UTP20: variants seen among roughly 807,000 people sequenced by gnomAD.
UTP20 encodes small subunit processome component 20 homolog.
UTP20 carries 164 observed loss-of-function variants against 329.5 expected under a neutral mutation model. That is an observed-to-expected ratio of 0.50 (90% CI 0.44 to 0.57). The LOEUF is 0.57. Among genes scored for constraint, UTP20 ranks in the 20% least tolerant of loss-of-function variants. The probability of loss-of-function intolerance (pLI) is 0.00; values close to 1 mark genes in which losing one functional copy is unlikely to be tolerated. For missense variants in UTP20, 3,055 were observed against 3,284.2 expected, an observed-to-expected ratio of 0.93 and a Z score of 1.71; for synonymous variants, 1,151 against 1,159.3, an observed-to-expected ratio of 0.99 and a Z score of 0.14.
At chr12:101,346,609 A>T (rs369128753) in intron 38 of UTP20, 21 bp downstream of exon 38, 161 of 1,560,208 alleles carry the variant, frequency 1.0e-4, no homozygotes, top group Admixed American at 2.0e-4. Context: ...AGATCTAGAA[A>T]CCAAGGACCC....
intron 8 of UTP20, chr12:101,291,100 C>G (rs1198452637): frequency 2.4e-6 from 1 of 421,538 alleles, no homozygotes; most frequent in Non-Finnish European, 4.0e-6. Context: ...GGCTCTGGAG[C>G]CAGACTGCCT....
Position 101,385,617 on chromosome 12 carries a change from A to G in UTP20, c.8091A>G (p.Ile2697Met), listed in dbSNP as rs755827583. Residue 2697 changes from isoleucine (I) to methionine (M), a missense_variant, in exon 61 of 62, where the codon ATA becomes ATG. Physicochemically the swap from Ile to Met is conservative, Grantham distance 10 (BLOSUM62 1). Around this residue, in one of 3 missense-constraint regions of UTP20, gnomAD observed 337 missense variants for 345.5 expected, o/e 0.98. Coordinates refer to ENST00000261637, the MANE Select transcript of UTP20 (RefSeq NM_014503.3). Reference protein sequence around the residue: ...PLLKNLSQEIIELLKKLVGLE... With the variant: ...PLLKNLSQEIMELLKKLVGLE... The stretch of plus-strand genomic sequence containing the variant: ...TGAAGAATCTATCCCAGGAAATCAT[A>G]GAATTACTCAAAAAGCTGGTTGGGC... 1 of 1,613,934 alleles carries G rather than the reference A, an allele frequency of 6.2e-7. No individual in the cohort carries two copies. Among genetic ancestry groups the G allele is most frequent in the South Asian group, 1.1e-5 (1 of 91,020 alleles).
At chr12:101,306,818 G>T in intron 17 of UTP20, 57 bp downstream of exon 17, 2 of 1,455,126 alleles carry the variant, frequency 1.4e-6, no homozygotes, top group Non-Finnish European at 1.9e-6. Flanking sequence ...ACATATTATT[G>T]TGGTTTCCAA....
intron 58 of UTP20, 101 bp downstream of exon 58, chr12:101,381,312 AC>A: frequency 1.0e-6 from 1 of 999,832 alleles, no homozygotes. Flanking sequence ...CGGCCAGATC[AC>A]CCCGAGGTCA....
rs1355295570 is a variant in UTP20 at position 101,363,712 on chromosome 12, A to G, written c.5927A>G (p.Gln1976Arg). The change falls in exon 45 of 62, where the codon CAG (glutamine) becomes CGG (arginine). Residue 1976 changes from glutamine (Q) to arginine (R), a missense_variant. Coordinates refer to ENST00000261637, the MANE Select transcript of UTP20 (RefSeq NM_014503.3). ...CTCGGCAAGTTTGTAGGAAAAGATC[A>G]GGTTACAAAACTCATCCTTCCATTA... ...EILGKFVGKDQVTKLILPLKE... is the reference protein window; with the variant it reads ...EILGKFVGKDRVTKLILPLKE... The G allele has an allele frequency of 2.5e-6, 4 of 1,611,018 alleles. No individual in the cohort carries two copies. Among genetic ancestry groups the G allele is most frequent in the Middle Eastern group, 1.6e-4 (1 of 6,076 alleles).
At chr12:101,370,021 T>C in intron 49 of UTP20, 130 bp downstream of exon 49, 3 of 835,754 alleles carry the variant, frequency 3.6e-6, no homozygotes, top group South Asian at 2.1e-5. Context: ...CAAGACCAGC[T>C]GGGTCAGCAT....
chr12:101,349,932 GTCTT>G (rs1869460775), intron 38 of UTP20, among the ~76,000 whole-genome samples: 1 of 148,572 alleles, frequency 6.7e-6, no homozygotes, highest in African/African-American at 2.5e-5. Context: ...CTGCTGCTCT[GTCTT>G]CAGGTTCACT....
In UTP20 at chr12:101,344,719, A is replaced by G. The variant is rs1451659088; in HGVS notation, c.4574A>G (p.Lys1525Arg). 1 of 1,613,972 alleles carries G rather than the reference A, an allele frequency of 6.2e-7. No homozygotes were observed. The highest frequency in any genetic ancestry group is 1.7e-5 in the Admixed American group (1 of 60,006). Residue 1525 changes from lysine (K) to arginine (R), a missense_variant, in exon 36 of 62, where the codon AAA (lysine) becomes AGA (arginine). Transcript: ENST00000261637. ...REIIHRSLLE[K>R]LRKGLKSQTE... ...ATCATCCACCGTTCACTCCTGGAGA[A>G]ATTGAGAAAAGGTCTGAAGAGCCAG...
intron 12 of UTP20, among the ~76,000 whole-genome samples, chr12:101,296,073 G>A (rs1033799575): frequency 3.9e-5 from 6 of 152,198 alleles, no homozygotes; most frequent in African/African-American, 1.2e-4. Context: ...AGCATACTGC[G>A]ATATCACAAC....
chr12:101,354,152 C>T (rs1009564313), intron 40 of UTP20, among the ~76,000 whole-genome samples: 1 of 150,442 alleles, frequency 6.6e-6, no homozygotes, highest in Non-Finnish European at 1.5e-5. Flanking sequence ...ATCTCAACTA[C>T]TCAGGAGGCT....
chr12:101,347,077 A>T (rs1369880645), intron 38 of UTP20, among the ~76,000 whole-genome samples: 1 of 152,194 alleles, frequency 6.6e-6, no homozygotes, highest in Non-Finnish European at 1.5e-5. Context: ...CAGGAGAGTA[A>T]TCTGAGAAGA....
chr12:101,342,794 C>T lies in UTP20; in HGVS notation c.4253C>T (p.Ser1418Phe), dbSNP rs1014025305. The T allele has an allele frequency of 6.2e-7, 1 of 1,613,086 alleles. No individual in the cohort carries two copies. Among genetic ancestry groups the T allele is most frequent in the East Asian group, 2.2e-5 (1 of 44,850 alleles). ...TGTTTTCTTTCCTTTCAGACTCTTT[C>T]TGATTTTGAGAGTGGGTTAAAATAT... ...KLLCTVFETL[S>F]DFESGLKYIT... Residue 1418 changes from serine (S) to phenylalanine (F), a missense_variant, in exon 34 of 62, where the codon TCT (serine) becomes TTT (phenylalanine). By Grantham distance (155) the Ser-to-Phe change is radical. Transcript: ENST00000261637.
intron 14 of UTP20, among the ~76,000 whole-genome samples, chr12:101,302,229 C>A (rs1292021042): frequency 2.0e-5 from 3 of 152,218 alleles, no homozygotes; most frequent in Admixed American, 6.5e-5. Context: ...CCATGACCAG[C>A]CTGTATTTTT....
At chr12:101,381,747 G>A (rs560347572) in intron 58 of UTP20, among the ~76,000 whole-genome samples, 6 of 152,138 alleles carry the variant, frequency 3.9e-5, no homozygotes, top group Non-Finnish European at 7.4e-5. Flanking sequence ...GTCTGGGTGC[G>A]GTGACTCACG....
intron 12 of UTP20, 30 bp from the exon 13 acceptor site, chr12:101,299,649 CTGT>C: frequency 6.5e-7 from 1 of 1,535,330 alleles, no homozygotes; most frequent in Non-Finnish European, 8.7e-7. Flanking sequence ...ATTACATTCT[CTGT>C]TATTTTAAAC....
chr12:101,282,076 A>ATAAGT (rs1871816557), intron 2 of UTP20, among the ~76,000 whole-genome samples: 1 of 152,200 alleles, frequency 6.6e-6, no homozygotes, highest in Non-Finnish European at 1.5e-5. Flanking sequence ...GGTCGTACGT[A>ATAAGT]ACATGCCTAT....
chr12:101,332,835 A>T (rs1372739710), intron 27 of UTP20, among the ~76,000 whole-genome samples: 1 of 143,696 alleles, frequency 7.0e-6, no homozygotes, highest in African/African-American at 2.5e-5. Context: ...AAAAAAGTAA[A>T]ATATTAAGTA....
At chr12:101,373,942 A>G (rs1478322735) in intron 54 of UTP20, among the ~76,000 whole-genome samples, 175 bp downstream of exon 54, 1 of 152,246 alleles carries the variant, frequency 6.6e-6, no homozygotes, top group African/African-American at 2.4e-5. Context: ...AGAAGTTATA[A>G]AAAGTAATAT....
At chr12:101,280,663 G>A (rs576629925) in intron 1 of UTP20, among the ~76,000 whole-genome samples, 1 of 152,340 alleles carries the variant, frequency 6.6e-6, no homozygotes, top group East Asian at 1.9e-4. Context: ...TCGGCTGGCG[G>A]TGAGTGATTC....
Sources: gnomAD v4.1 joint callset for allele counts (sites outside exome capture counted in the v4.1 genomes callset) on GRCh38, gnomAD v4.1.1 for gene constraint, gnomAD v4.1.1 regional missense constraint, MANE v1.5 for transcripts, NCBI Gene and HGNC (gene_info 2026-07-23, HGNC 2026-07-21) for gene names.